The following PGK1 variants were observed in gnomAD, a reference collection of about 807,000 sequenced individuals.
PGK1 encodes PRP 2.
A neutral mutation model predicts 26.9 loss-of-function variants in PGK1; 3 were observed. The observed-to-expected ratio is 0.11, with a 90% CI of 0.05 to 0.29. The LOEUF (loss-of-function observed/expected upper bound fraction) is 0.29, where lower values mean the gene tolerates loss of function less well. PGK1 is among the 10% of genes least tolerant of loss of function. The pLI is 1.00. For synonymous variants in PGK1, 125 were observed against 115.3 expected (o/e 1.08, Z -0.54); for missense variants, 270 against 314.7 (o/e 0.86, Z 1.07).
In PGK1 at chrX:78,125,878, G is replaced by A; in HGVS notation, c.*48G>A. The A allele has an allele frequency of 1.0e-6, 1 of 984,586 alleles. No homozygotes were observed. The highest frequency in any genetic ancestry group is 1.5e-6 in the Non-Finnish European group (1 of 688,648). 81.1% of individuals were successfully genotyped at this position (984,586 alleles called of 1,213,427 possible). ...TGTGCACAGCCCCTAAGTCAACTTAGCATTTTCTGCATCTCCACTTGGCAT... is the reference window on the plus strand; with the variant it reads ...TGTGCACAGCCCCTAAGTCAACTTAACATTTTCTGCATCTCCACTTGGCAT... On this transcript the variant is annotated 3_prime_UTR_variant, in exon 11 of 11. Transcript: ENST00000373316.
intron 2 of PGK1, among the ~76,000 whole-genome samples, chrX:78,111,462 T>A (rs1250794265): frequency 1.8e-5 from 2 of 112,313 alleles, no homozygotes; most frequent in Non-Finnish European, 3.8e-5. Flanking sequence ...AGAAATACAA[T>A]GTGAGCCAAA....
Position 78,104,385 on chromosome X carries a change from A to G in PGK1, c.45A>G (p.Lys15=). The change falls in exon 1 of 11, where the codon AAA becomes AAG. Residue 15 remains lysine (K), a synonymous_variant. Transcript: ENST00000373316. ...NKLTLDKLDV[K]GKRVVMRVDF... Reference sequence around the variant, plus strand: ...TGACGCTGGACAAGCTGGACGTTAAAGGGAAGCGGGTCGTTATGAGGTAAT... The same window carrying G: ...TGACGCTGGACAAGCTGGACGTTAAGGGGAAGCGGGTCGTTATGAGGTAAT... 1 of 1,204,618 alleles carries G rather than the reference A, an allele frequency of 8.3e-7. No individual in the cohort carries two copies.
At chrX:78,107,871 C>T (rs1557246380) in intron 1 of PGK1, among the ~76,000 whole-genome samples, 1 of 110,448 alleles carries the variant, frequency 9.1e-6, no homozygotes. Flanking sequence ...TGCTTCATTA[C>T]CAGCTATTTT....
chrX:78,113,730 C>T lies in PGK1; in HGVS notation c.117-14C>T, dbSNP rs1227500450. 1.7e-6 allele frequency: 2 copies of T among 1,204,805 alleles called. No individual in the cohort carries two copies. Among genetic ancestry groups the T allele is most frequent in the African/African-American group, 3.5e-5 (2 of 57,102 alleles). ...AGTAACTTCATTCTGTTTGTTGTCT[C>T]TCTTTGGTTGCAGGATTAAGGCTGC... On this transcript the variant is annotated splice_polypyrimidine_tract_variant and intron_variant, in intron 2 of 10. Transcript: ENST00000373316.
Position 78,122,779 on chromosome X carries a change from A to G in PGK1, c.642-56A>G, listed in dbSNP as rs994410966. The G allele has an allele frequency of 1.9e-5, 13 of 687,866 alleles. No individual in the cohort carries two copies. The East Asian group carries it at 4.2e-4, about 22-fold the overall frequency. 56.7% of individuals were successfully genotyped at this position (687,866 alleles called of 1,213,427 possible). A position where few individuals can be genotyped will look rare whatever the true frequency, so the allele number is the denominator to read the frequency against. ...GAAATAGAAACTCAGTTTCTATGTA[A>G]TACCACTTCTCTAGTCCATTCTTCT... On this transcript the variant is annotated intron_variant, in intron 6 of 10. Coordinates refer to ENST00000373316, the MANE Select transcript of PGK1 (RefSeq NM_000291.4).
chrX:78,120,350 T>C (rs868922671), intron 6 of PGK1, among the ~76,000 whole-genome samples: 1 of 93,941 alleles, frequency 1.1e-5, no homozygotes, highest in African/African-American at 4.1e-5. Context: ...CACACACACA[T>C]ATATATACAC....
rs141856989 is a variant in PGK1 at position 78,113,857 on chromosome X, C to T, written c.230C>T (p.Ser77Phe). ...PDGVPMPDKYSLEPVAVELKS... is the reference protein window; with the variant it reads ...PDGVPMPDKYFLEPVAVELKS... ...GGTGTGCCCATGCCTGACAAGTACTCCTTAGAGCCAGTTGCTGTAGAACTC... is the reference window on the plus strand; with the variant it reads ...GGTGTGCCCATGCCTGACAAGTACTTCTTAGAGCCAGTTGCTGTAGAACTC... Residue 77 changes from serine to phenylalanine, a missense_variant, in exon 3 of 11, where the codon TCC (serine) becomes TTC (phenylalanine). Ser to Phe is a radical substitution (Grantham distance 155). Coordinates refer to ENST00000373316, the MANE Select transcript of PGK1 (RefSeq NM_000291.4). 1 of 1,209,555 alleles carries T rather than the reference C, an allele frequency of 8.3e-7. No homozygotes were observed. Among genetic ancestry groups the T allele is most frequent in the African/African-American group, 1.7e-5 (1 of 57,162 alleles).
At chrX:78,114,288 C>T (rs1020374879) in intron 4 of PGK1, 128 bp downstream of exon 4, 5 of 673,994 alleles carry the variant, frequency 7.4e-6, no homozygotes, top group Non-Finnish European at 9.7e-6. Flanking sequence ...AATGCCGACA[C>T]AGCTTGATGG....
intron 1 of PGK1, among the ~76,000 whole-genome samples, chrX:78,108,033 G>A (rs1569550754): frequency 4.5e-5 from 5 of 111,367 alleles, no homozygotes; most frequent in Admixed American, 9.5e-5. Flanking sequence ...GGCAAGAGCA[G>A]TTCCTGTGTT....
intron 6 of PGK1, 22 bp downstream of exon 6, chrX:78,118,192 C>T: frequency 4.1e-6 from 5 of 1,207,737 alleles, no homozygotes; most frequent in Non-Finnish European, 5.6e-6. Flanking sequence ...TCTTTAAGAT[C>T]ATGCTTTAAG....
intron 1 of PGK1, among the ~76,000 whole-genome samples, chrX:78,108,331 A>G (rs1557246483): frequency 8.9e-6 from 1 of 111,951 alleles, no homozygotes; most frequent in African/African-American, 3.3e-5. Context: ...GCATGGGGGA[A>G]AATGACCCAT....
chrX:78,111,535 T>C (rs905443959), intron 2 of PGK1, among the ~76,000 whole-genome samples: 1 of 73,854 alleles, frequency 1.4e-5, no homozygotes, highest in African/African-American at 1.4e-4. Flanking sequence ...AGATCTGGCA[T>C]GTGTTTTTAT....
intron 9 of PGK1, 64 bp downstream of exon 9, chrX:78,125,115 G>T: frequency 1.0e-6 from 1 of 992,151 alleles, no homozygotes; most frequent in Non-Finnish European, 1.4e-6. Flanking sequence ...AGAGGAAGGT[G>T]GAATGGAGAA....
intron 1 of PGK1, among the ~76,000 whole-genome samples, chrX:78,105,607 G>C (rs1472932154): frequency 1.8e-5 from 2 of 111,362 alleles, no homozygotes; most frequent in African/African-American, 6.5e-5. Flanking sequence ...AAACATATGA[G>C]GACACGTTTG....
chrX:78,106,353 T>G, intron 1 of PGK1: 1 of 719,523 alleles, frequency 1.4e-6, no homozygotes, highest in Non-Finnish European at 1.6e-6. Flanking sequence ...AAATAGAACT[T>G]TCTCCCGTAA....
At chrX:78,107,985 T>C (rs1423572872) in intron 1 of PGK1, among the ~76,000 whole-genome samples, 4 of 108,023 alleles carry the variant, frequency 3.7e-5, no homozygotes, top group African/African-American at 6.7e-5. Flanking sequence ...AAGAAAATTG[T>C]GCATATTTTA....
At chrX:78,117,915 G>C in intron 5 of PGK1, 136 bp from the exon 6 acceptor site, 1 of 612,702 alleles carries the variant, frequency 1.6e-6, no homozygotes, top group Non-Finnish European at 2.7e-6. Flanking sequence ...AGTGTTTTTT[G>C]TTGCAATGTA....
chrX:78,117,936 C>T, intron 5 of PGK1, 115 bp from the exon 6 acceptor site: 1 of 759,170 alleles, frequency 1.3e-6, no homozygotes. Context: ...GGGATGAAAA[C>T]CATGATTTCT....
intron 1 of PGK1, chrX:78,106,676 C>T: frequency 2.7e-6 from 2 of 739,029 alleles, no homozygotes; most frequent in Non-Finnish European, 3.2e-6. Context: ...GTTGAGGTAA[C>T]ATGGGATAGC....
Sources: gnomAD v4.1 joint callset for allele counts (sites outside exome capture counted in the v4.1 genomes callset) on GRCh38, gnomAD v4.1.1 for gene constraint, MANE v1.5 for transcripts, NCBI Gene and HGNC (gene_info 2026-07-23, HGNC 2026-07-21) for gene names.